SAMM50: variants seen among roughly 807,000 people sequenced by gnomAD.
The protein encoded by SAMM50 is SAMM50 sorting and assembly machinery component.
A neutral mutation model predicts 66.9 loss-of-function variants in SAMM50; 47 were observed. The ratio of observed to expected loss-of-function variants is 0.70; its 90% CI spans 0.56 to 0.90. SAMM50 has a LOEUF of 0.90. Ranked by LOEUF, SAMM50 falls within the 40% of genes least tolerant of loss-of-function variation. The pLI is 0.00. For missense variants in SAMM50, 535 were observed against 595.3 expected (o/e 0.90, Z 1.05); for synonymous variants, 191 against 214.1 (o/e 0.89, Z 0.94).
intron 1 of SAMM50, among the ~76,000 whole-genome samples, chr22:43,957,821 C>A (rs773825883): frequency 6.6e-6 from 1 of 152,170 alleles, no homozygotes; most frequent in African/African-American, 2.4e-5. Context: ...TGCAGTGGCA[C>A]GGTCTTGGCT....
At chr22:43,986,662 C>T (rs1204944402) in intron 12 of SAMM50, 1 of 152,074 alleles carries the variant, frequency 6.6e-6, no homozygotes, top group Non-Finnish European at 1.5e-5. Flanking sequence ...GCGATTCCCC[C>T]TGCCTCAACC....
intron 3 of SAMM50, 90 bp downstream of exon 3, chr22:43,964,643 C>G (rs760351820): frequency 1.3e-5 from 9 of 700,766 alleles, no homozygotes; most frequent in Non-Finnish European, 2.2e-5. Flanking sequence ...CACCCTGCGC[C>G]CGGCCTCTGT....
intron 9 of SAMM50, among the ~76,000 whole-genome samples, chr22:43,977,432 T>C (rs1603419487): frequency 6.6e-6 from 1 of 152,126 alleles, no homozygotes; most frequent in Admixed American, 6.5e-5. Context: ...CTCTGGCCGG[T>C]GGTACTTAGG....
intron 10 of SAMM50, among the ~76,000 whole-genome samples, chr22:43,981,182 T>C (rs2050262798): frequency 6.6e-6 from 1 of 152,206 alleles, no homozygotes; most frequent in Non-Finnish European, 1.5e-5. Flanking sequence ...ATTTGGACTT[T>C]GGAATTGCGT....
chr22:43,973,051 A>T (rs958005280), intron 6 of SAMM50, 50 bp downstream of exon 6: 1 of 1,568,026 alleles, frequency 6.4e-7, no homozygotes, highest in African/African-American at 1.4e-5. Flanking sequence ...AGAAAAGTTA[A>T]AATAGGTGGC....
intron 3 of SAMM50, among the ~76,000 whole-genome samples, chr22:43,966,298 G>A (rs9626073): frequency 0.056 from 8,472 of 152,060 alleles, 256 homozygotes; most frequent in Middle Eastern, 0.078. Flanking sequence ...CAAAGTGTGC[G>A]CACTCTGCAG....
At position 43,964,562 on chromosome 22, in the gene SAMM50, G is replaced by A. The variant is rs1456033581; in HGVS notation, c.234+9G>A. On this transcript the variant is annotated intron_variant, in intron 3 of 14. Coordinates refer to ENST00000350028, the MANE Select transcript of SAMM50 (RefSeq NM_015380.5). ...CCAAAAACCTAATTGAGGTAGGTGT[G>A]GTCTCTACATGGTGTGCTTTCCCAG... 3 of 1,441,614 alleles carry A rather than the reference G, an allele frequency of 2.1e-6. No individual in the cohort carries two copies. The South Asian group carries it at 3.4e-5, about 16-fold the overall frequency. 89.3% of individuals were successfully genotyped at this position (1,441,614 alleles called of 1,614,324 possible).
chr22:43,963,460 T>A, intron 2 of SAMM50, 64 bp downstream of exon 2: 1 of 950,244 alleles, frequency 1.1e-6, no homozygotes, highest in Non-Finnish European at 1.6e-6. Flanking sequence ...CATACACCAC[T>A]AGGGAGATGT....
At chr22:43,964,641 G>T (rs531060352) in intron 3 of SAMM50, 88 bp downstream of exon 3, 5 of 710,018 alleles carry the variant, frequency 7.0e-6, no homozygotes, top group Non-Finnish European at 1.2e-5. Context: ...AGCACCCTGC[G>T]CCCGGCCTCT....
At chr22:43,979,643 C>T (rs2050252312) in intron 10 of SAMM50, among the ~76,000 whole-genome samples, 1 of 152,080 alleles carries the variant, frequency 6.6e-6, no homozygotes, top group Non-Finnish European at 1.5e-5. Context: ...CCCTTCCACT[C>T]CCTGCCTTCC....
chr22:43,981,012 T>C (rs1358031253), intron 10 of SAMM50, among the ~76,000 whole-genome samples: 1 of 152,160 alleles, frequency 6.6e-6, no homozygotes, highest in Non-Finnish European at 1.5e-5. Context: ...CTTCCACATT[T>C]TGAGGCCGCG....
In SAMM50 at chr22:43,972,337, AG is replaced by A. The variant is rs2050208202; in HGVS notation, c.425del (p.Ser142IlefsTer18). 6.4e-7 allele frequency: 1 copy of A among 1,563,736 alleles called. No individual in the cohort carries two copies. Among genetic ancestry groups the A allele is most frequent in the Admixed American group, 1.9e-5 (1 of 51,894 alleles). On this transcript the variant is annotated frameshift_variant, in exon 5 of 15. Transcript: ENST00000350028. LOFTEE classifies it high-confidence loss of function. Reference sequence around the variant, plus strand: ...CACCATGGTTGGAAACAATGAAGGCAGTATGGTATGCTACAGGCTTTTTACT... The same window carrying A: ...CACCATGGTTGGAAACAATGAAGGCATATGGTATGCTACAGGCTTTTTACT... ...YNTMVGNNEG[S>X]MVLGLKLPNL... is the part of the protein sequence containing the mutation.
intron 11 of SAMM50, among the ~76,000 whole-genome samples, chr22:43,982,960 A>G (rs1027452953): frequency 6.6e-6 from 1 of 152,220 alleles, no homozygotes; most frequent in Non-Finnish European, 1.5e-5. Context: ...TTTAAAAACG[A>G]AGCTTGCTGT....
intron 3 of SAMM50, 95 bp from the exon 4 acceptor site, chr22:43,968,636 G>A (rs530363448): frequency 6.7e-5 from 57 of 852,960 alleles, no homozygotes; most frequent in African/African-American, 3.6e-4. Context: ...ACTTAGCACC[G>A]AATGGTAAAC....
Position 43,990,319 on chromosome 22 carries a change from A to T in SAMM50, c.1277A>T (p.Tyr426Phe). 6.2e-7 allele frequency: 1 copy of T among 1,614,172 alleles called. No homozygotes were observed. Among genetic ancestry groups the T allele is most frequent in the Non-Finnish European group, 8.5e-7 (1 of 1,180,028 alleles). Residue 426 changes from tyrosine (Y) to phenylalanine (F), a missense_variant, in exon 14 of 15, where the codon TAC (tyrosine) becomes TTC (phenylalanine). Coordinates refer to ENST00000350028, the MANE Select transcript of SAMM50 (RefSeq NM_015380.5). ...CTGGCTGAGTGCATCCGCTGGTCGTACGGGGCCGGGATTGTCCTCAGGCTT... is the reference window on the plus strand; with the variant it reads ...CTGGCTGAGTGCATCCGCTGGTCGTTCGGGGCCGGGATTGTCCTCAGGCTT... Reference protein sequence around the residue: ...RKLAECIRWSYGAGIVLRLGN... With the variant: ...RKLAECIRWSFGAGIVLRLGN...
At position 43,964,501 on chromosome 22, in the gene SAMM50, A is replaced by AT; in HGVS notation, c.183dup (p.Ile62TyrfsTer5). The AT allele has an allele frequency of 2.5e-6, 4 of 1,613,042 alleles. No individual in the cohort carries two copies. Among genetic ancestry groups the AT allele is most frequent in the Non-Finnish European group, 3.4e-6 (4 of 1,179,012 alleles). ...GATGGACTTGGAAGGACTAAAGATGATATCATCATTTGTGAAATTGGAGAT... is the reference window on the plus strand; with the variant it reads ...GATGGACTTGGAAGGACTAAAGATGATTATCATCATTTGTGAAATTGGAGAT... On this transcript the variant is annotated frameshift_variant, in exon 3 of 15. Coordinates refer to ENST00000350028, the MANE Select transcript of SAMM50 (RefSeq NM_015380.5). LOFTEE classifies it high-confidence loss of function.
chr22:43,985,807 G>T (rs938260290), intron 12 of SAMM50, among the ~76,000 whole-genome samples: 2 of 151,892 alleles, frequency 1.3e-5, no homozygotes, highest in African/African-American at 4.9e-5. Flanking sequence ...CGGGGTGGCC[G>T]CGTCCTTTTG....
At chr22:43,990,478 T>G (rs2050317891) in intron 14 of SAMM50, 72 bp downstream of exon 14, 1 of 1,415,800 alleles carries the variant, frequency 7.1e-7, no homozygotes, top group Non-Finnish European at 9.9e-7. Context: ...TGGACGTGGT[T>G]AATTTCATTA....
Position 43,955,617 on chromosome 22 carries a change from C to A in SAMM50, c.21+19C>A. On this transcript the variant is annotated intron_variant, in intron 1 of 14. Coordinates refer to ENST00000350028, the MANE Select transcript of SAMM50 (RefSeq NM_015380.5). ...CGCCCGGGTAAGAGGCCCAGCGACC[C>A]GCGGGCTGCGAGGCCTCTGGGCCAG... The A allele has an allele frequency of 1.9e-6, 3 of 1,582,894 alleles. No individual in the cohort carries two copies. The highest frequency in any genetic ancestry group is 1.1e-5 in the South Asian group (1 of 87,048).
Sources: gnomAD v4.1 joint callset for allele counts (sites outside exome capture counted in the v4.1 genomes callset) on GRCh38, gnomAD v4.1.1 for gene constraint, MANE v1.5 for transcripts, NCBI Gene and HGNC (gene_info 2026-07-23, HGNC 2026-07-21) for gene names.